KSR1: variants seen among roughly 807,000 people sequenced by gnomAD.
KSR1 encodes the protein kinase suppressor of ras.
In KSR1, 35 loss-of-function variants were observed where a neutral mutation model predicts 92.9. That is an observed-to-expected ratio of 0.38 (90% CI 0.29 to 0.50). The LOEUF (loss-of-function observed/expected upper bound fraction) is 0.50, where lower values mean the gene tolerates loss of function less well. Among genes scored for constraint, KSR1 ranks in the 20% least tolerant of loss-of-function variants. KSR1 has a pLI of 0.94. For synonymous variants in KSR1, 467 were observed against 472.6 expected (o/e 0.99, Z 0.15); for missense variants, 972 against 1,158.5 (o/e 0.84, Z 2.34).
At chr17:27,594,339 CT>C (rs1391927579) in intron 9 of KSR1, among the ~76,000 whole-genome samples, 1 of 152,076 alleles carries the variant, frequency 6.6e-6, no homozygotes, top group African/African-American at 2.4e-5. Flanking sequence ...GCAGTGCCCC[CT>C]GCCCCCATTG....
intron 1 of KSR1, among the ~76,000 whole-genome samples, chr17:27,474,177 A>G (rs1365112623): frequency 2.6e-5 from 4 of 152,226 alleles, no homozygotes; most frequent in Non-Finnish European, 5.9e-5. Flanking sequence ...CTTAGGCCAA[A>G]CTTCCTCTCT....
chr17:27,610,380 G>A (rs1297708150), intron 17 of KSR1, among the ~76,000 whole-genome samples, 182 bp downstream of exon 17: 8 of 152,180 alleles, frequency 5.3e-5, no homozygotes, highest in Admixed American at 1.3e-4. Flanking sequence ...TGGCTCTGCC[G>A]CTTGTTGAGT....
In KSR1 at chr17:27,605,678, A is replaced by C; in HGVS notation, c.1859A>C (p.Glu620Ala). The change falls in exon 14 of 21, where the codon GAG (glutamate) becomes GCG (alanine). Residue 620 changes from glutamate to alanine, a missense_variant. Physicochemically the swap from Glu to Ala is moderately radical, Grantham distance 107 (BLOSUM62 -1). Around this residue, in one of 5 missense-constraint regions of KSR1, gnomAD observed 260 missense variants for 375.2 expected, o/e 0.69. Transcript: ENST00000644974. ...WHGEVAIRLL[E>A]MDGHNQDHLK... Reference sequence around the variant, plus strand: ...GGCGAGGTGGCCATTCGCCTGCTGGAGATGGACGGCCACAACCAGGACCAC... The same window carrying C: ...GGCGAGGTGGCCATTCGCCTGCTGGCGATGGACGGCCACAACCAGGACCAC... 6.2e-7 allele frequency: 1 copy of C among 1,612,754 alleles called. No homozygotes were observed. The highest frequency in any genetic ancestry group is 8.5e-7 in the Non-Finnish European group (1 of 1,179,826).
chr17:27,490,719 T>C (rs1037166767), intron 1 of KSR1, among the ~76,000 whole-genome samples: 1 of 152,214 alleles, frequency 6.6e-6, no homozygotes, highest in Non-Finnish European at 1.5e-5. Context: ...CTTAGGCAGC[T>C]GACCCCTGTA....
chr17:27,531,141 T>C (rs1298986517), intron 1 of KSR1, among the ~76,000 whole-genome samples: 2 of 152,246 alleles, frequency 1.3e-5, no homozygotes, highest in Admixed American at 6.5e-5. Flanking sequence ...TTCTCCTCCC[T>C]TGGGGCCAGT....
intron 2 of KSR1, among the ~76,000 whole-genome samples, chr17:27,565,250 T>C (rs1279896786): frequency 6.6e-6 from 1 of 152,228 alleles, no homozygotes; most frequent in Non-Finnish European, 1.5e-5. Flanking sequence ...TCTTTTTCTT[T>C]TTCTTTGTAG....
intron 1 of KSR1, among the ~76,000 whole-genome samples, chr17:27,527,567 T>C (rs1421645236): frequency 6.6e-6 from 1 of 152,098 alleles, no homozygotes; most frequent in Non-Finnish European, 1.5e-5. Context: ...GGCTAATTTT[T>C]GTATTTTAGT....
chr17:27,530,459 A>AT (rs1465124584), intron 1 of KSR1, among the ~76,000 whole-genome samples: 1 of 151,864 alleles, frequency 6.6e-6, no homozygotes, highest in Non-Finnish European at 1.5e-5. Context: ...GAAAAAAAAA[A>AT]GACCCAGCAG....
intron 1 of KSR1, among the ~76,000 whole-genome samples, chr17:27,526,090 T>TC (rs2070280386): frequency 4.8e-5 from 3 of 62,990 alleles, no homozygotes; most frequent in Non-Finnish European, 6.4e-5. Context: ...CTTTCTTTCT[T>TC]TCTTTCTCTC....
chr17:27,520,295 T>A (rs1275626888), intron 1 of KSR1, among the ~76,000 whole-genome samples: 4 of 152,196 alleles, frequency 2.6e-5, no homozygotes, highest in Admixed American at 2.6e-4. Context: ...CCGAAGGGAT[T>A]TAAGTCACAC....
Position 27,456,634 on chromosome 17 carries a change from A to C in KSR1, c.-10A>C. Reference sequence around the variant, plus strand: ...CCCAGCCTCGGCCGCCGCGGCCCCGATGCCGAGGCATGGATAGAGCAGCGC... The same window carrying C: ...CCCAGCCTCGGCCGCCGCGGCCCCGCTGCCGAGGCATGGATAGAGCAGCGC... On this transcript the variant is annotated 5_prime_UTR_variant, in exon 1 of 21. An upstream start codon of the reference 5' UTR is lost. Coordinates refer to ENST00000644974, the MANE Select transcript of KSR1 (RefSeq NM_001394583.1). 2.0e-6 allele frequency: 1 copy of C among 512,798 alleles called. No individual in the cohort carries two copies. Among genetic ancestry groups the C allele is most frequent in the Non-Finnish European group, 3.4e-6 (1 of 298,068 alleles). 31.8% of individuals were successfully genotyped at this position (512,798 alleles called of 1,614,324 possible). A position where few individuals can be genotyped will look rare whatever the true frequency, so the allele number is the denominator to read the frequency against.
chr17:27,483,253 A>G (rs1435898126), intron 1 of KSR1, among the ~76,000 whole-genome samples: 1 of 152,244 alleles, frequency 6.6e-6, no homozygotes, highest in Non-Finnish European at 1.5e-5. Flanking sequence ...TAAAACCAGG[A>G]AAGAGCACGT....
At chr17:27,543,671 T>G (rs544914948) in intron 1 of KSR1, among the ~76,000 whole-genome samples, 1 of 152,294 alleles carries the variant, frequency 6.6e-6, no homozygotes, top group East Asian at 1.9e-4. Context: ...CAGATGACAC[T>G]GAGGCTGATC....
At chr17:27,587,022 GC>G (rs2072994602) in intron 5 of KSR1, 1 of 152,202 alleles carries the variant, frequency 6.6e-6, no homozygotes, top group African/African-American at 2.4e-5. Flanking sequence ...AAAGGTGCCT[GC>G]CACCACACAT....
chr17:27,497,476 T>C (rs2069029912), intron 1 of KSR1, among the ~76,000 whole-genome samples: 1 of 152,224 alleles, frequency 6.6e-6, no homozygotes, highest in East Asian at 1.9e-4. Flanking sequence ...AGTCCTTGAA[T>C]GGCCTCTAGG....
chr17:27,550,852 C>A, intron 2 of KSR1, 144 bp downstream of exon 2: 1 of 614,192 alleles, frequency 1.6e-6, no homozygotes. Flanking sequence ...GGAGGGACAG[C>A]AGCGCCAGGA....
intron 18 of KSR1, among the ~76,000 whole-genome samples, chr17:27,613,485 C>T (rs989161786): frequency 6.6e-6 from 1 of 152,262 alleles, no homozygotes. Context: ...CACACACGAG[C>T]TGAAGAGGCC....
In KSR1 at chr17:27,479,657, T is replaced by G. The variant is rs558603380; in HGVS notation, c.231+22783T>G. On this transcript the variant is annotated intron_variant, in intron 1 of 20. Coordinates refer to ENST00000644974, the MANE Select transcript of KSR1 (RefSeq NM_001394583.1). ...AGACGCTTGGACTTCCCTTGAGAGC[T>G]GGGCATCCCAGACCTCTGTTGCGGC... Among the ~76,000 whole-genome samples, 6 of 152,288 alleles carry G rather than the reference T, an allele frequency of 3.9e-5. No homozygotes were observed. The East Asian group carries it at 1.2e-3, about 29-fold the overall frequency.
At chr17:27,598,240 A>G (rs1278611781) in intron 10 of KSR1, among the ~76,000 whole-genome samples, 2 of 152,188 alleles carry the variant, frequency 1.3e-5, no homozygotes, top group African/African-American at 4.8e-5. Flanking sequence ...GCAGTCCCAG[A>G]GGAAGGAAGG....
Sources: allele counts gnomAD v4.1 joint callset (sites outside exome capture counted in the v4.1 genomes callset), GRCh38; gene constraint gnomAD v4.1.1; regional missense constraint gnomAD v4.1.1; transcripts MANE v1.5; gene names NCBI Gene and HGNC (gene_info 2026-07-23, HGNC 2026-07-21).